The following SLC25A20 variants were observed in gnomAD, a reference collection of about 807,000 sequenced individuals.
SLC25A20 encodes the protein mitochondrial carnitine/acylcarnitine carrier protein.
SLC25A20 carries 29 observed loss-of-function variants against 39.7 expected under a neutral mutation model. The ratio of observed to expected loss-of-function variants is 0.73; its 90% CI spans 0.54 to 1.00. The LOEUF is 1.00. SLC25A20 is among the 50% of genes least tolerant of loss of function. The pLI, the probability that SLC25A20 is intolerant of heterozygous loss-of-function variation, is 0.00. For synonymous variants in SLC25A20, 103 were observed against 142.2 expected, an observed-to-expected ratio of 0.72 and a Z score of 1.96; for missense variants, 333 against 379.9, an observed-to-expected ratio of 0.88 and a Z score of 1.03.
At chr3:48,863,435 T>C (rs2083641673) in intron 4 of SLC25A20, among the ~76,000 whole-genome samples, 1 of 152,104 alleles carries the variant, frequency 6.6e-6, no homozygotes, top group Non-Finnish European at 1.5e-5. Flanking sequence ...AGGGCTCCTA[T>C]GCAGAGCCAG....
intron 4 of SLC25A20, among the ~76,000 whole-genome samples, chr3:48,870,385 A>T (rs934220596): frequency 6.6e-6 from 1 of 152,196 alleles, no homozygotes. Flanking sequence ...GATTATACAA[A>T]AATCAATCGT....
chr3:48,863,024 T>G (rs2083639152), intron 4 of SLC25A20, among the ~76,000 whole-genome samples: 1 of 152,068 alleles, frequency 6.6e-6, no homozygotes, highest in Admixed American at 6.6e-5. Flanking sequence ...AAACCCTGTC[T>G]CTACGAAAAA....
chr3:48,874,065 G>GT (rs1201693935), intron 4 of SLC25A20, among the ~76,000 whole-genome samples: 1 of 151,794 alleles, frequency 6.6e-6, no homozygotes, highest in African/African-American at 2.4e-5. Flanking sequence ...GAGGAGGCGG[G>GT]TGAATCACCT....
intron 1 of SLC25A20, among the ~76,000 whole-genome samples, chr3:48,893,981 C>T (rs1444057875): frequency 6.6e-6 from 1 of 150,852 alleles, no homozygotes; most frequent in Non-Finnish European, 1.5e-5. Flanking sequence ...GCCAACATGG[C>T]AAAACCCTGT....
chr3:48,865,782 AAAAAG>A (rs557401213), intron 4 of SLC25A20, among the ~76,000 whole-genome samples: 1,599 of 151,028 alleles, frequency 0.011, 24 homozygotes, highest in Middle Eastern at 0.045. Context: ...CAAAAAAAAA[AAAAAG>A]AAAAGAAAAG....
Position 48,859,093 on chromosome 3 carries a change from A to G in SLC25A20, c.717T>C (p.Thr239=). 6.2e-7 allele frequency: 1 copy of G among 1,612,604 alleles called. No homozygotes were observed. Among genetic ancestry groups the G allele is most frequent in the South Asian group, 1.1e-5 (1 of 90,984 alleles). The part of the protein sequence containing the change: ...PPDVLKSRFQ[T]APPGKYPNGF... Reference sequence around the variant, plus strand: ...TCCACCCCACTACCTTCCACTCACCAGTCTGGAATCGAGACTTGAGCACAT... The same window carrying G: ...TCCACCCCACTACCTTCCACTCACCGGTCTGGAATCGAGACTTGAGCACAT... Residue 239 remains threonine, a splice_region_variant and synonymous_variant, in exon 7 of 9, where the codon ACT becomes ACC. Coordinates refer to ENST00000319017, the MANE Select transcript of SLC25A20 (RefSeq NM_000387.6).
chr3:48,861,316 T>C (rs4974088), intron 5 of SLC25A20, among the ~76,000 whole-genome samples: 128,140 of 152,118 alleles, frequency 0.84, 54,644 homozygotes, highest in East Asian at 1. Context: ...TCAGGGATTC[T>C]TGAGAAGTTC....
chr3:48,857,437 G>A lies in SLC25A20; in HGVS notation c.*273C>T. ...CTGGTAGGCAGCATTCTTGCCACAG[G>A]TAGTATCTGGTCTGGAAGCTACTTG... On this transcript the variant is annotated 3_prime_UTR_variant, in exon 9 of 9. Transcript: ENST00000319017. 2 of 463,362 alleles carry A rather than the reference G, an allele frequency of 4.3e-6. No homozygotes were observed. The highest frequency in any genetic ancestry group is 4.3e-5 in the South Asian group (2 of 46,208). The allele number at this position is 463,362 out of a possible 1,614,324, so 28.7% of individuals were successfully genotyped here.
At chr3:48,884,931 C>T (rs1035235323) in intron 2 of SLC25A20, among the ~76,000 whole-genome samples, 1 of 149,222 alleles carries the variant, frequency 6.7e-6, no homozygotes, top group Non-Finnish European at 1.5e-5. Context: ...GGATACACAA[C>T]GTGATCTACC....
chr3:48,862,304 T>C (rs1169597175), intron 5 of SLC25A20, among the ~76,000 whole-genome samples: 7 of 152,094 alleles, frequency 4.6e-5, no homozygotes, highest in African/African-American at 1.7e-4. Context: ...TACTTGCCAC[T>C]CCCCTCCAAC....
intron 4 of SLC25A20, among the ~76,000 whole-genome samples, chr3:48,871,654 C>G (rs2083715895): frequency 1.3e-5 from 2 of 151,570 alleles, no homozygotes; most frequent in Admixed American, 6.6e-5. Flanking sequence ...GTAATCCCAG[C>G]TACTCAGGAG....
intron 2 of SLC25A20, among the ~76,000 whole-genome samples, chr3:48,885,207 G>C (rs1473839800): frequency 6.6e-6 from 1 of 151,966 alleles, no homozygotes; most frequent in Non-Finnish European, 1.5e-5. Context: ...GGAGTTCAAG[G>C]CTGCAGTGAG....
intron 3 of SLC25A20, among the ~76,000 whole-genome samples, chr3:48,881,184 C>T (rs1575988200): frequency 6.6e-6 from 1 of 152,198 alleles, no homozygotes; most frequent in African/African-American, 2.4e-5. Context: ...AGGCAGGGCT[C>T]ATGCATCTAC....
chr3:48,898,358 T>C (rs762141885), intron 1 of SLC25A20, among the ~76,000 whole-genome samples: 16 of 152,350 alleles, frequency 1.1e-4, no homozygotes, highest in Non-Finnish European at 2.2e-4. Context: ...AACGATAATA[T>C]TAGTGTTGGC....
intron 3 of SLC25A20, 77 bp from the exon 4 acceptor site, chr3:48,879,525 A>G: frequency 2.1e-6 from 2 of 952,818 alleles, no homozygotes; most frequent in Non-Finnish European, 3.5e-6. Flanking sequence ...AGCAAAGAGG[A>G]CAGTTTTGTA....
intron 4 of SLC25A20, among the ~76,000 whole-genome samples, chr3:48,878,118 G>A (rs2083773868): frequency 1.3e-5 from 2 of 151,642 alleles, no homozygotes; most frequent in Non-Finnish European, 2.9e-5. Flanking sequence ...AAAATTAGGT[G>A]GGCGTGGTGG....
chr3:48,871,117 T>C (rs957025949), intron 4 of SLC25A20, among the ~76,000 whole-genome samples: 3 of 151,992 alleles, frequency 2.0e-5, no homozygotes, highest in African/African-American at 7.2e-5. Flanking sequence ...TGAGCCACCA[T>C]GCCCGGCCAG....
At chr3:48,882,514 G>A (rs1282490589) in intron 3 of SLC25A20, among the ~76,000 whole-genome samples, 1 of 152,066 alleles carries the variant, frequency 6.6e-6, no homozygotes, top group Non-Finnish European at 1.5e-5. Context: ...CAGCCTCCTG[G>A]GGTTGGTATT....
At chr3:48,883,228 T>G (rs1419131332) in intron 3 of SLC25A20, among the ~76,000 whole-genome samples, 2 of 149,750 alleles carry the variant, frequency 1.3e-5, no homozygotes, top group African/African-American at 4.9e-5. Context: ...ATTAAAAAAA[T>G]TAAAAACTCA....
Sources: allele counts gnomAD v4.1 joint callset (sites outside exome capture counted in the v4.1 genomes callset), GRCh38; gene constraint gnomAD v4.1.1; transcripts MANE v1.5; gene names NCBI Gene and HGNC (gene_info 2026-07-23, HGNC 2026-07-21).